Variants in BTF3L4 observed in about 807,000 individuals in gnomAD.
BTF3L4 encodes the protein basic transcription factor 3 like 4, also known as transcription factor BTF3 homolog 4.
A neutral mutation model predicts 16.8 loss-of-function variants in BTF3L4; 6 were observed. The ratio of observed to expected loss-of-function variants is 0.36; its 90% confidence interval spans 0.20 to 0.71. The LOEUF is 0.71. BTF3L4 is among the 30% of genes least tolerant of loss of function. BTF3L4 has a pLI of 0.58. For missense variants in BTF3L4, 92 were observed against 186.9 expected (o/e 0.49, Z 2.96); for synonymous variants, 39 against 59.8 (o/e 0.65, Z 1.60).
At position 52,066,267 on chromosome 1, in the gene BTF3L4, C is replaced by T. The variant is rs148670713; in HGVS notation, c.168+1329C>T. On this transcript the variant is annotated intron_variant, in intron 3 of 5. Coordinates refer to ENST00000313334, the MANE Select transcript of BTF3L4 (RefSeq NM_152265.5). ...AGAGTGCAGTGGTGTGATCTCTGCT[C>T]ACTGCAACATCTGCCTTCTGGGCTC... Among the ~76,000 whole-genome samples the T allele has an allele frequency of 2.4e-3, 359 of 152,106 alleles. 1 individual carries two copies. Among genetic ancestry groups the T allele is most frequent in the African/African-American group, 8.3e-3 (343 of 41,520 alleles).
In BTF3L4 at chr1:52,088,790, G is replaced by A. The variant is rs1643994017; in HGVS notation, c.*2032G>A. On this transcript the variant is annotated 3_prime_UTR_variant, in exon 6 of 6. Coordinates refer to ENST00000313334, the MANE Select transcript of BTF3L4 (RefSeq NM_152265.5). The stretch of plus-strand genomic sequence containing the variant: ...ATAAGATTTTATTCTGTTTTGTTTT[G>A]TTTGAGATGGGGATTTGCTCTTGTT... The A allele has an allele frequency of 6.6e-6, 1 of 151,984 alleles. No homozygotes were observed. The highest frequency in any genetic ancestry group is 6.6e-5 in the Admixed American group (1 of 15,220). 9.4% of individuals were successfully genotyped at this position (151,984 alleles called of 1,614,324 possible).
Position 52,080,446 on chromosome 1 carries a change from A to T in BTF3L4, c.169-2894A>T, listed in dbSNP as rs187549691. ...TCTTGTGACTTTAATGTCTGTAAAT[A>T]AAAAAAAAGTCTCAGATTCCAATAT... is the stretch of plus-strand genomic sequence containing the variant. On this transcript the variant is annotated intron_variant, in intron 3 of 5. Coordinates refer to ENST00000313334, the MANE Select transcript of BTF3L4 (RefSeq NM_152265.5). 2.4e-3 allele frequency among the ~76,000 whole-genome samples: 362 copies of T among 150,754 alleles called. 1 individual carries two copies. Among genetic ancestry groups the T allele is most frequent in the African/African-American group, 8.2e-3 (336 of 41,114 alleles).
At chr1:52,062,001 A>G (rs1686524152) in intron 2 of BTF3L4, among the ~76,000 whole-genome samples, 1 of 151,088 alleles carries the variant, frequency 6.6e-6, no homozygotes, top group South Asian at 2.1e-4. Context: ...CAGTGGCGCA[A>G]TCTCAGCTCA....
intron 3 of BTF3L4, among the ~76,000 whole-genome samples, chr1:52,068,794 C>G (rs1395087514): frequency 6.6e-6 from 1 of 152,136 alleles, no homozygotes; most frequent in Non-Finnish European, 1.5e-5. Context: ...AAATCCCCAT[C>G]AGTATTTCCA....
At chr1:52,073,399 C>T (rs903427050) in intron 3 of BTF3L4, among the ~76,000 whole-genome samples, 4 of 151,718 alleles carry the variant, frequency 2.6e-5, no homozygotes, top group Non-Finnish European at 5.9e-5. Flanking sequence ...CCCTACCACC[C>T]AGAGAGAGCT....
chr1:52,060,430 T>A (rs1325732551), intron 2 of BTF3L4: 4 of 1,259,446 alleles, frequency 3.2e-6, no homozygotes. Flanking sequence ...ATTGCCAGGT[T>A]TTCCTCACAA....
chr1:52,063,855 C>T (rs1686580168), intron 2 of BTF3L4, among the ~76,000 whole-genome samples: 1 of 152,204 alleles, frequency 6.6e-6, no homozygotes, highest in South Asian at 2.1e-4. Context: ...TCACCATCTT[C>T]ACTGCCATAT....
chr1:52,084,195 A>G (rs1284335388), intron 4 of BTF3L4, among the ~76,000 whole-genome samples: 1 of 151,774 alleles, frequency 6.6e-6, no homozygotes, highest in Non-Finnish European at 1.5e-5. Flanking sequence ...GCTGAAGTGC[A>G]GTGGTGCGAT....
At chr1:52,063,086 G>A (rs1345393551) in intron 2 of BTF3L4, among the ~76,000 whole-genome samples, 1 of 152,136 alleles carries the variant, frequency 6.6e-6, no homozygotes, top group Non-Finnish European at 1.5e-5. Context: ...TCAGTGGCCT[G>A]GGGGTTGGGG....
At position 52,069,117 on chromosome 1, in the gene BTF3L4, C is replaced by G. The variant is rs553445261; in HGVS notation, c.168+4179C>G. ...TATAGCAGCTTCTCTGCCCTCCCCC[C>G]ATCCTGGTGTTGTCTTCTAACCCTC... On this transcript the variant is annotated intron_variant, in intron 3 of 5. Transcript: ENST00000313334. 2.6e-5 allele frequency among the ~76,000 whole-genome samples: 4 copies of G among 152,170 alleles called. No individual in the cohort carries two copies. In the East Asian group the frequency reaches 5.8e-4, roughly 22 times the overall value.
chr1:52,057,336 A>G (rs970991105), intron 1 of BTF3L4, among the ~76,000 whole-genome samples: 1 of 152,174 alleles, frequency 6.6e-6, no homozygotes, highest in African/African-American at 2.4e-5. Flanking sequence ...ACCTGTTTAC[A>G]CCCTTTCTTG....
At chr1:52,071,380 T>C (rs1271224918) in intron 3 of BTF3L4, 1 of 152,256 alleles carries the variant, frequency 6.6e-6, no homozygotes, top group Non-Finnish European at 1.5e-5. Context: ...AAGTTGCTCT[T>C]CTATAATATG....
intron 3 of BTF3L4, among the ~76,000 whole-genome samples, chr1:52,080,519 G>GTTTTTTTTT (rs753783341): frequency 1.4e-5 from 1 of 70,244 alleles, no homozygotes; most frequent in Non-Finnish European, 2.3e-5. Context: ...GGTTTTTTGG[G>GTTTTTTTTT]TTTTTTTTTT....
rs1643997928 is a variant in BTF3L4 at position 52,089,238 on chromosome 1, C to G, written c.*2480C>G. 1 of 152,148 alleles carries G rather than the reference C, an allele frequency of 6.6e-6. No individual in the cohort carries two copies. The highest frequency in any genetic ancestry group is 1.5e-5 in the Non-Finnish European group (1 of 68,022). 9.4% of individuals were successfully genotyped at this position (152,148 alleles called of 1,614,324 possible). A position where few individuals can be genotyped will look rare whatever the true frequency, so the allele number is the denominator to read the frequency against. ...CTTTCTCCTTTTGATCACATTTTAG[C>G]TACTTATCTAGAGGATCTCTGGCCA... On this transcript the variant is annotated 3_prime_UTR_variant, in exon 6 of 6. Coordinates refer to ENST00000313334, the MANE Select transcript of BTF3L4 (RefSeq NM_152265.5).
intron 2 of BTF3L4, among the ~76,000 whole-genome samples, chr1:52,063,236 G>A (rs1434676532): frequency 6.6e-6 from 1 of 152,108 alleles, no homozygotes; most frequent in African/African-American, 2.4e-5. Context: ...AGTATATGGT[G>A]GTACCACCAG....
At chr1:52,059,655 A>G (rs1558003177) in intron 1 of BTF3L4, among the ~76,000 whole-genome samples, 180 bp from the exon 2 acceptor site, 1 of 152,218 alleles carries the variant, frequency 6.6e-6, no homozygotes, top group Non-Finnish European at 1.5e-5. Context: ...ATTTTTAAAA[A>G]TATCTGGTTT....
At chr1:52,081,229 C>T (rs868375108) in intron 3 of BTF3L4, among the ~76,000 whole-genome samples, 4 of 151,530 alleles carry the variant, frequency 2.6e-5, no homozygotes, top group Middle Eastern at 3.4e-3. Context: ...CCTCCGACTC[C>T]TGGGTTCAAG....
At chr1:52,080,024 A>C (rs957635949) in intron 3 of BTF3L4, among the ~76,000 whole-genome samples, 1 of 150,962 alleles carries the variant, frequency 6.6e-6, no homozygotes, top group African/African-American at 2.4e-5. Context: ...GGCACCCACC[A>C]CCACACCCAG....
chr1:52,071,929 CTCTG>C (rs1558007155), intron 3 of BTF3L4, among the ~76,000 whole-genome samples: 1 of 78,950 alleles, frequency 1.3e-5, no homozygotes, highest in Non-Finnish European at 2.6e-5. Flanking sequence ...TTGTTTTTTA[CTCTG>C]TGTGTGTGTG....
Sources: allele counts gnomAD v4.1 joint callset (sites outside exome capture counted in the v4.1 genomes callset), GRCh38; gene constraint gnomAD v4.1.1; transcripts MANE v1.5; gene names NCBI Gene and HGNC (gene_info 2026-07-23, HGNC 2026-07-21).